The following HIVEP2 variants were observed in gnomAD, a reference collection of about 807,000 sequenced individuals.
HIVEP2 encodes transcription factor HIVEP2.
Under a neutral mutation model 180.7 loss-of-function variants are expected in HIVEP2, and 14 were observed. That is an observed-to-expected ratio of 0.08 (90% CI 0.05 to 0.12). The LOEUF (loss-of-function observed/expected upper bound fraction) is 0.12, where lower values mean the gene tolerates loss of function less well. HIVEP2 is among the 10% of genes least tolerant of loss of function. The pLI is 1.00. For missense variants in HIVEP2, 2,579 were observed against 3,008.5 expected, an observed-to-expected ratio of 0.86 and a Z score of 3.34; for synonymous variants, 1,184 against 1,136.4, an observed-to-expected ratio of 1.04 and a Z score of -0.84.
At chr6:142,835,195 C>T (rs1242590273) in intron 2 of HIVEP2, among the ~76,000 whole-genome samples, 1 of 152,150 alleles carries the variant, frequency 6.6e-6, no homozygotes, top group Non-Finnish European at 1.5e-5. Context: ...ATGAACTAAG[C>T]AGCATCCTTA....
chr6:142,940,762 G>C (rs1778157990), intron 1 of HIVEP2, among the ~76,000 whole-genome samples: 2 of 152,170 alleles, frequency 1.3e-5, no homozygotes, highest in South Asian at 4.1e-4. Context: ...CAATAACAGG[G>C]CACCAGTCGT....
intron 1 of HIVEP2, among the ~76,000 whole-genome samples, chr6:142,839,178 A>C (rs1775301671): frequency 6.6e-6 from 1 of 152,144 alleles, no homozygotes; most frequent in African/African-American, 2.4e-5. Context: ...ACCACAATAT[A>C]ATATTTATTT....
chr6:142,804,003 T>A (rs1776481651), intron 2 of HIVEP2, among the ~76,000 whole-genome samples: 1 of 152,172 alleles, frequency 6.6e-6, no homozygotes. Flanking sequence ...GTTTATCACC[T>A]GTTTTCACAA....
chr6:142,760,129 T>G lies in HIVEP2; in HGVS notation c.6159A>C (p.Ser2053=), dbSNP rs972156628. ...SHHSSPGYDS[S]PCRDNSPKRY... is the part of the protein sequence containing the mutation. The stretch of plus-strand genomic sequence containing the variant: ...TCTTTGGTGAATTATCTCGACAGGG[T>G]GAAGAATCATATCCTGGAGAGGAAT... The change falls in exon 9 of 10, where the codon TCA becomes TCC. Residue 2053 remains serine (S), a synonymous_variant. Coordinates refer to ENST00000367603, the MANE Select transcript of HIVEP2 (RefSeq NM_006734.4). The G allele has an allele frequency of 8.7e-6, 14 of 1,614,128 alleles. No individual in the cohort carries two copies. The highest frequency in any genetic ancestry group is 1.2e-5 in the Non-Finnish European group (14 of 1,180,022).
intron 1 of HIVEP2, among the ~76,000 whole-genome samples, chr6:142,870,857 A>G (rs1776274828): frequency 6.6e-6 from 1 of 152,168 alleles, no homozygotes; most frequent in Non-Finnish European, 1.5e-5. Context: ...ACAACCTCCC[A>G]TTTTAAAAAT....
At chr6:142,766,050 GT>G (rs1415305792) in intron 6 of HIVEP2, among the ~76,000 whole-genome samples, 6 of 152,088 alleles carry the variant, frequency 3.9e-5, no homozygotes, top group Non-Finnish European at 7.4e-5. Context: ...TAAATTTACA[GT>G]TTTTTTACAT....
intron 1 of HIVEP2, among the ~76,000 whole-genome samples, chr6:142,936,568 G>A (rs1778060748): frequency 6.6e-6 from 1 of 152,016 alleles, no homozygotes; most frequent in Admixed American, 6.6e-5. Context: ...AAAAAATCTA[G>A]TGCTATAATA....
chr6:142,778,371 T>G (rs1582850647), intron 3 of HIVEP2, among the ~76,000 whole-genome samples: 1 of 152,204 alleles, frequency 6.6e-6, no homozygotes, highest in East Asian at 1.9e-4. Context: ...AAGGTTCATG[T>G]AGACACAACC....
intron 2 of HIVEP2, among the ~76,000 whole-genome samples, chr6:142,826,749 G>A (rs769768230): frequency 9.2e-5 from 14 of 152,016 alleles, no homozygotes; most frequent in Non-Finnish European, 1.6e-4. Flanking sequence ...AGCTTTGTGG[G>A]GTAGAAACAT....
At position 142,771,386 on chromosome 6, in the gene HIVEP2, C is replaced by A. The variant is rs1202534384; in HGVS notation, c.3353G>T (p.Gly1118Val). 5.5e-5 allele frequency: 89 copies of A among 1,612,848 alleles called. No homozygotes were observed. Among genetic ancestry groups the A allele is most frequent in the Non-Finnish European group, 7.4e-5 (87 of 1,179,942 alleles). The change falls in exon 5 of 10, where the codon GGG (glycine) becomes GTG (valine). Residue 1118 changes from glycine to valine, a missense_variant. Physicochemically the swap from Gly to Val is moderately radical, Grantham distance 109. This residue lies in a region of HIVEP2 where 523 missense variants were observed against 577.0 expected (regional missense o/e 0.91). Transcript: ENST00000367603. The surrounding 1 kb of genome is among the most constrained non-coding windows in gnomAD (Gnocchi z 5.4). ...CACAGCAGGCGGGCCATGGTGCCAC[C>A]CGGACCGGAGGCCAGCATGCAGGTG... The part of the protein sequence containing the change: ...LEHLHAGLRS[G>V]WHHGPPAVLP...
chr6:142,937,447 G>A (rs535310246), intron 1 of HIVEP2, among the ~76,000 whole-genome samples: 4 of 152,208 alleles, frequency 2.6e-5, no homozygotes, highest in Non-Finnish European at 5.9e-5. Context: ...AATGACTCTT[G>A]AATGGGTATT....
At position 142,770,545 on chromosome 6, in the gene HIVEP2, A is replaced by G; in HGVS notation, c.4194T>C (p.His1398=). Residue 1398 remains histidine (H), a synonymous_variant, in exon 5 of 10, where the codon CAT becomes CAC. Coordinates refer to ENST00000367603, the MANE Select transcript of HIVEP2 (RefSeq NM_006734.4). This position sits in a 1 kb window ranked among gnomAD's most constrained non-coding sequence, Gnocchi z 4.7. ...GFNIAQVLGQ[H]AGLEKYPIWK... ...AAATGGGGTACTTCTCCAAGCCCGC[A>G]TGCTGCCCCAGCACCTGGGCAATGT... 1 of 1,614,186 alleles carries G rather than the reference A, an allele frequency of 6.2e-7. No homozygotes were observed. Among genetic ancestry groups the G allele is most frequent in the Non-Finnish European group, 8.5e-7 (1 of 1,180,026 alleles).
At chr6:142,779,069 G>C (rs1775775305) in intron 3 of HIVEP2, among the ~76,000 whole-genome samples, 1 of 152,140 alleles carries the variant, frequency 6.6e-6, no homozygotes, top group African/African-American at 2.4e-5. Flanking sequence ...TCTCATGCCA[G>C]ACTGTTTTCT....
chr6:142,911,139 T>TAAAAAAAAAAAAAAAAAAAAAAACAAAAA (rs5880554), intron 1 of HIVEP2, among the ~76,000 whole-genome samples: 1 of 106,230 alleles, frequency 9.4e-6, no homozygotes, highest in East Asian at 2.6e-4. Context: ...ACAAACACAT[T>TAAAAAAAAAAAAAAAAAAAAAAACAAAAA]AAAAAAAAAA....
intron 1 of HIVEP2, among the ~76,000 whole-genome samples, chr6:142,940,886 A>AC (rs1778160889): frequency 6.6e-6 from 1 of 152,016 alleles, no homozygotes; most frequent in African/African-American, 2.4e-5. Context: ...AGCAGGTGAG[A>AC]CCCCCTCTGC....
chr6:142,773,744 T>G lies in HIVEP2; in HGVS notation c.995A>C (p.Lys332Thr), dbSNP rs1389095511. Residue 332 changes from lysine to threonine, a missense_variant, in exon 5 of 10, where the codon AAA becomes ACA. Lys to Thr is a moderately conservative substitution (Grantham distance 78, BLOSUM62 -1). This residue lies in a region of HIVEP2 where 142 missense variants were observed against 135.2 expected (regional missense o/e 1.05). Coordinates refer to ENST00000367603, the MANE Select transcript of HIVEP2 (RefSeq NM_006734.4). ...TTCATTAGGGAGAGGAATCCCACTT[T>G]TAGGGATAATCAAAATCGGCACCTT... ...PMKVPILIIP[K>T]SGIPLPNESS... 3 of 1,613,912 alleles carry G rather than the reference T, an allele frequency of 1.9e-6. No homozygotes were observed. The highest frequency in any genetic ancestry group is 2.5e-6 in the Non-Finnish European group (3 of 1,180,004).
chr6:142,922,537 T>C (rs948925493), intron 1 of HIVEP2, among the ~76,000 whole-genome samples: 1 of 152,232 alleles, frequency 6.6e-6, no homozygotes, highest in Non-Finnish European at 1.5e-5. Flanking sequence ...GTTCTTTACA[T>C]ATATTAGTAC....
intron 1 of HIVEP2, among the ~76,000 whole-genome samples, chr6:142,928,957 T>G (rs1777880292): frequency 6.6e-6 from 1 of 152,210 alleles, no homozygotes; most frequent in Non-Finnish European, 1.5e-5. Context: ...CTGTATCAAA[T>G]GATTCTTGAC....
At chr6:142,873,975 G>A (rs1435320356) in intron 1 of HIVEP2, among the ~76,000 whole-genome samples, 2 of 152,174 alleles carry the variant, frequency 1.3e-5, no homozygotes, top group East Asian at 3.9e-4. Context: ...GTCTGAAATG[G>A]GAGGACACAC....
Sources: allele counts gnomAD v4.1 joint callset (sites outside exome capture counted in the v4.1 genomes callset), GRCh38; gene constraint gnomAD v4.1.1; regional missense constraint gnomAD v4.1.1; non-coding constraint Gnocchi (gnomAD v3.1); transcripts MANE v1.5; gene names NCBI Gene and HGNC (gene_info 2026-07-23, HGNC 2026-07-21).